The following PTPRM variants were observed in gnomAD, a reference collection of about 807,000 sequenced individuals.
The protein encoded by PTPRM is receptor-type tyrosine-protein phosphatase mu.
In PTPRM, 47 loss-of-function variants were observed where a neutral mutation model predicts 186.7. The observed-to-expected ratio is 0.25, with a 90% confidence interval of 0.20 to 0.32. The LOEUF (loss-of-function observed/expected upper bound fraction) is 0.32, where lower values mean the gene tolerates loss of function less well. Ranked by LOEUF, PTPRM falls within the 10% of genes least tolerant of loss-of-function variation. The pLI, the probability that PTPRM is intolerant of heterozygous loss-of-function variation, is 1.00. For synonymous variants in PTPRM, 668 were observed against 674.9 expected, an observed-to-expected ratio of 0.99 and a Z score of 0.16; for missense variants, 1,494 against 1,865.0, an observed-to-expected ratio of 0.80 and a Z score of 3.66.
intron 4 of PTPRM, among the ~76,000 whole-genome samples, chr18:7,912,701 A>C (rs1251170175): frequency 6.9e-6 from 1 of 144,698 alleles, no homozygotes; most frequent in Admixed American, 6.8e-5. Flanking sequence ...TTGTATTTTT[A>C]GTAGAGATGG....
intron 7 of PTPRM, among the ~76,000 whole-genome samples, chr18:8,035,144 T>A (rs929956177): frequency 3.3e-5 from 5 of 152,186 alleles, no homozygotes; most frequent in Non-Finnish European, 7.3e-5. Context: ...TTCCAAACTA[T>A]CAAATGCTGA....
intron 1 of PTPRM, among the ~76,000 whole-genome samples, chr18:7,596,734 G>T (rs903168619): frequency 6.6e-6 from 1 of 151,858 alleles, no homozygotes; most frequent in Non-Finnish European, 1.5e-5. Flanking sequence ...CTTTTCCTTT[G>T]CTTTTTTCCT....
intron 1 of PTPRM, among the ~76,000 whole-genome samples, chr18:7,650,452 C>CG (rs2038672243): frequency 6.9e-6 from 1 of 144,846 alleles, no homozygotes; most frequent in East Asian, 2.1e-4. Context: ...AATCCCCCCC[C>CG]CCCCCACTGT....
At chr18:8,357,892 C>G (rs540564450) in intron 23 of PTPRM, among the ~76,000 whole-genome samples, 4 of 152,042 alleles carry the variant, frequency 2.6e-5, no homozygotes, top group Admixed American at 1.3e-4. Flanking sequence ...AACACATACT[C>G]GCAGACTAAA....
intron 7 of PTPRM, among the ~76,000 whole-genome samples, chr18:7,993,406 T>A (rs1178870696): frequency 1.3e-5 from 2 of 151,936 alleles, no homozygotes; most frequent in African/African-American, 4.8e-5. Flanking sequence ...AACACATAAG[T>A]CTCCTCTTTG....
chr18:8,350,350 G>A (rs1427283310), intron 23 of PTPRM, among the ~76,000 whole-genome samples: 1 of 152,098 alleles, frequency 6.6e-6, no homozygotes, highest in Admixed American at 6.6e-5. Flanking sequence ...TTGCACATGT[G>A]CTCAGCTCCC....
At chr18:8,017,699 A>C (rs752242345) in intron 7 of PTPRM, 1 of 152,144 alleles carries the variant, frequency 6.6e-6, no homozygotes, top group Non-Finnish European at 1.5e-5. Context: ...GAGGAAAACA[A>C]GTTCCCAGGA....
At chr18:7,627,274 C>A (rs907191937) in intron 1 of PTPRM, among the ~76,000 whole-genome samples, 2 of 152,176 alleles carry the variant, frequency 1.3e-5, no homozygotes, top group African/African-American at 2.4e-5. Flanking sequence ...TCCTTTTGGG[C>A]CTCCGGATAT....
intron 23 of PTPRM, among the ~76,000 whole-genome samples, chr18:8,344,119 G>T (rs898029411): frequency 6.6e-6 from 1 of 152,130 alleles, no homozygotes; most frequent in Admixed American, 6.6e-5. Context: ...TATTTCCAAA[G>T]TGAAATTTTA....
At chr18:7,582,049 G>A (rs1484961944) in intron 1 of PTPRM, among the ~76,000 whole-genome samples, 2 of 152,092 alleles carry the variant, frequency 1.3e-5, no homozygotes, top group Non-Finnish European at 2.9e-5. Context: ...GTTAAATAAA[G>A]TTTTATGTGA....
At chr18:7,768,152 C>G (rs2042099832) in intron 1 of PTPRM, among the ~76,000 whole-genome samples, 1 of 152,132 alleles carries the variant, frequency 6.6e-6, no homozygotes, top group East Asian at 1.9e-4. Flanking sequence ...TTCTGAAACT[C>G]TGTGATTTTC....
intron 14 of PTPRM, among the ~76,000 whole-genome samples, chr18:8,228,690 A>C (rs150884233): frequency 0.04 from 5,972 of 150,760 alleles, 381 homozygotes; most frequent in African/African-American, 0.14. Flanking sequence ...AAAAAAAAAA[A>C]AAAAATACAA....
intron 1 of PTPRM, among the ~76,000 whole-genome samples, chr18:7,587,877 T>C (rs529563124): frequency 3.9e-5 from 6 of 152,260 alleles, no homozygotes; most frequent in African/African-American, 1.4e-4. Context: ...GTGCTTTCTA[T>C]CAGATAAAGT....
At chr18:8,088,300 AC>A (rs1285351451) in intron 10 of PTPRM, among the ~76,000 whole-genome samples, 8 of 150,690 alleles carry the variant, frequency 5.3e-5, no homozygotes, top group African/African-American at 1.7e-4. Flanking sequence ...TGAGTCTGGT[AC>A]ATGAAAAACC....
At chr18:8,072,528 A>G (rs2089548076) in intron 8 of PTPRM, among the ~76,000 whole-genome samples, 1 of 152,170 alleles carries the variant, frequency 6.6e-6, no homozygotes, top group Non-Finnish European at 1.5e-5. Flanking sequence ...TCCAAAAAAA[A>G]TACTTCAGAA....
intron 22 of PTPRM, among the ~76,000 whole-genome samples, chr18:8,319,623 G>A (rs1222602279): frequency 6.6e-6 from 1 of 152,226 alleles, no homozygotes; most frequent in African/African-American, 2.4e-5. Context: ...TGGGGAAGAT[G>A]TGCAGTCACC....
intron 14 of PTPRM, among the ~76,000 whole-genome samples, chr18:8,183,392 A>C (rs1395988771): frequency 6.6e-6 from 1 of 152,190 alleles, no homozygotes; most frequent in Middle Eastern, 3.2e-3. Flanking sequence ...GGAGAGACAA[A>C]AAAGAGGCAG....
At chr18:8,252,685 G>A (rs1298333208) in intron 18 of PTPRM, among the ~76,000 whole-genome samples, 186 bp downstream of exon 18, 1 of 152,164 alleles carries the variant, frequency 6.6e-6, no homozygotes, top group Non-Finnish European at 1.5e-5. Context: ...ACCAGAGCAT[G>A]CAAAGTGATT....
intron 1 of PTPRM, among the ~76,000 whole-genome samples, chr18:7,641,272 T>A (rs1384238382): frequency 6.6e-6 from 1 of 152,192 alleles, no homozygotes; most frequent in Non-Finnish European, 1.5e-5. Context: ...TAAGTATGTG[T>A]GTATGTACGT....
Sources: allele counts gnomAD v4.1 joint callset (sites outside exome capture counted in the v4.1 genomes callset), GRCh38; gene constraint gnomAD v4.1.1; transcripts MANE v1.5; gene names NCBI Gene and HGNC (gene_info 2026-07-23, HGNC 2026-07-21).